Variants in GTF2E2 observed in about 807,000 individuals in gnomAD.
GTF2E2 encodes transcription initiation factor IIE subunit beta.
In GTF2E2, 21 loss-of-function variants were observed where a neutral mutation model predicts 40.5. The ratio of observed to expected loss-of-function variants is 0.52; its 90% CI spans 0.37 to 0.75. GTF2E2 has a LOEUF of 0.75. GTF2E2 is among the 30% of genes least tolerant of loss of function. The pLI, the probability that GTF2E2 is intolerant of heterozygous loss-of-function variation, is 0.00. For missense variants in GTF2E2, 298 were observed against 338.4 expected (o/e 0.88, Z 0.94); for synonymous variants, 117 against 121.6 (o/e 0.96, Z 0.25).
chr8:30,603,245 A>G (rs1052233358), intron 6 of GTF2E2, among the ~76,000 whole-genome samples: 1 of 152,246 alleles, frequency 6.6e-6, no homozygotes, highest in South Asian at 2.1e-4. Context: ...ACAAGGGAAT[A>G]AAAAGACAAC....
chr8:30,653,804 T>C (rs1467012015), intron 1 of GTF2E2, among the ~76,000 whole-genome samples: 3 of 151,922 alleles, frequency 2.0e-5, no homozygotes, highest in Non-Finnish European at 4.4e-5. Context: ...GTACTAGCCA[T>C]TATAGGAAAA....
intron 5 of GTF2E2, among the ~76,000 whole-genome samples, chr8:30,610,502 A>C (rs1230475883): frequency 6.6e-6 from 1 of 152,020 alleles, no homozygotes; most frequent in Non-Finnish European, 1.5e-5. Context: ...GGCATGAAGA[A>C]AGACATACAG....
At chr8:30,606,104 A>G (rs1829309498) in intron 6 of GTF2E2, among the ~76,000 whole-genome samples, 2 of 152,262 alleles carry the variant, frequency 1.3e-5, no homozygotes, top group Non-Finnish European at 2.9e-5. Flanking sequence ...GGATAGCATA[A>G]GTTCACTACA....
At chr8:30,647,230 T>G (rs933428226) in intron 2 of GTF2E2, among the ~76,000 whole-genome samples, 15 of 152,226 alleles carry the variant, frequency 9.9e-5, no homozygotes, top group Non-Finnish European at 1.8e-4. Context: ...ACTGATGGAA[T>G]TTTTTGTGTG....
intron 3 of GTF2E2, among the ~76,000 whole-genome samples, chr8:30,631,366 T>C (rs1028304749): frequency 5.9e-5 from 9 of 152,224 alleles, no homozygotes; most frequent in Admixed American, 1.3e-4. Flanking sequence ...GAATATTTAT[T>C]AGCTTGAAGA....
intron 2 of GTF2E2, among the ~76,000 whole-genome samples, chr8:30,646,979 CAAAAAAAA>C (rs56762565): frequency 2.4e-3 from 123 of 51,180 alleles, no homozygotes; most frequent in East Asian, 0.019. Flanking sequence ...GACTCCGTCT[CAAAAAAAA>C]AAAAAAAAAA....
At chr8:30,620,914 G>C (rs866277660) in intron 3 of GTF2E2, among the ~76,000 whole-genome samples, 4 of 151,160 alleles carry the variant, frequency 2.6e-5, no homozygotes, top group Middle Eastern at 3.4e-3. Flanking sequence ...GGGAAACAGA[G>C]TGATATTACA....
rs189448235 is a variant in GTF2E2, at chr8:30,640,949, C to T, written c.167-5826G>A. On this transcript the variant is annotated intron_variant, in intron 2 of 7. Coordinates refer to ENST00000355904, the MANE Select transcript of GTF2E2 (RefSeq NM_002095.6). ...TGAACTTATGACCTCAGGTGATCTG[C>T]CTGCCTCAGCCTCCCAGAGTGCTAG... Among the ~76,000 whole-genome samples, 200 of 152,288 alleles carry T rather than the reference C, an allele frequency of 1.3e-3. 2 individuals carry two copies. Among genetic ancestry groups the T allele is most frequent in the South Asian group, 0.012 (59 of 4,816 alleles).
chr8:30,602,324 A>C (rs1829204421), intron 6 of GTF2E2, among the ~76,000 whole-genome samples: 1 of 152,116 alleles, frequency 6.6e-6, no homozygotes. Flanking sequence ...GGCTGAAGTA[A>C]ATTTTTAAAC....
At chr8:30,630,761 G>A (rs999520661) in intron 3 of GTF2E2, among the ~76,000 whole-genome samples, 2 of 152,118 alleles carry the variant, frequency 1.3e-5, no homozygotes, top group African/African-American at 2.4e-5. Context: ...CTGAGGTGCC[G>A]TAAACTATCC....
At chr8:30,635,973 G>A (rs1449622827) in intron 2 of GTF2E2, among the ~76,000 whole-genome samples, 3 of 152,102 alleles carry the variant, frequency 2.0e-5, no homozygotes, top group Non-Finnish European at 4.4e-5. Context: ...AAAAGCCACA[G>A]GCACTGCCAC....
chr8:30,615,077 G>A (rs553593725), intron 3 of GTF2E2, among the ~76,000 whole-genome samples: 6 of 151,904 alleles, frequency 3.9e-5, no homozygotes, highest in Non-Finnish European at 8.8e-5. Context: ...TCAGGTGTTC[G>A]AGACCAGCCT....
intron 6 of GTF2E2, among the ~76,000 whole-genome samples, chr8:30,587,461 A>G (rs933545897): frequency 2.2e-4 from 10 of 45,810 alleles, no homozygotes; most frequent in African/African-American, 7.2e-4. Context: ...ATGGAACTCA[A>G]AATAATAGCA....
At chr8:30,598,018 T>G (rs901996050) in intron 6 of GTF2E2, among the ~76,000 whole-genome samples, 32 of 152,250 alleles carry the variant, frequency 2.1e-4, no homozygotes, top group African/African-American at 7.5e-4. Flanking sequence ...AGAATAGTTC[T>G]GGTATTTTGA....
chr8:30,634,647 G>C (rs1801532507), intron 3 of GTF2E2, among the ~76,000 whole-genome samples: 1 of 152,074 alleles, frequency 6.6e-6, no homozygotes, highest in Non-Finnish European at 1.5e-5. Flanking sequence ...TCATCTGCCT[G>C]AACTATGTAC....
chr8:30,646,979 CAAAAAAAAAAAAA>C (rs56762565), intron 2 of GTF2E2, among the ~76,000 whole-genome samples: 8 of 51,212 alleles, frequency 1.6e-4, no homozygotes, highest in Non-Finnish European at 2.6e-4. Flanking sequence ...GACTCCGTCT[CAAAAAAAAAAAAA>C]AAAAAAAAAA....
Position 30,658,146 on chromosome 8 carries a change from C to CGGCGGT in GTF2E2, c.-179_-178insACCGCC. 5.2e-6 allele frequency: 1 copy of CGGCGGT among 191,682 alleles called. No individual in the cohort carries two copies. Among genetic ancestry groups the CGGCGGT allele is most frequent in the Non-Finnish European group, 1.1e-5 (1 of 94,622 alleles). The allele number at this position is 191,682 out of a possible 1,614,324, so 11.9% of individuals were successfully genotyped here. On this transcript the variant is annotated 5_prime_UTR_variant, in exon 1 of 8. Coordinates refer to ENST00000355904, the MANE Select transcript of GTF2E2 (RefSeq NM_002095.6). ...GTCGGGGTCTCACCACTGGCGGTGG[C>CGGCGGT]GGCGGCGGCGGCGGCAGCGGCGGTA...
chr8:30,643,579 C>A (rs1297597401), intron 2 of GTF2E2: 1 of 151,774 alleles, frequency 6.6e-6, no homozygotes, highest in Non-Finnish European at 1.5e-5. Flanking sequence ...TCACTTGAAC[C>A]CAGGAGGCGG....
chr8:30,612,957 C>T (rs567564564), intron 4 of GTF2E2, among the ~76,000 whole-genome samples: 1 of 152,342 alleles, frequency 6.6e-6, no homozygotes, highest in South Asian at 2.1e-4. Flanking sequence ...AAATCCTGGA[C>T]ATCCAGAATT....
Sources: allele counts gnomAD v4.1 joint callset (sites outside exome capture counted in the v4.1 genomes callset), GRCh38; gene constraint gnomAD v4.1.1; transcripts MANE v1.5; gene names NCBI Gene and HGNC (gene_info 2026-07-23, HGNC 2026-07-21).